The following TMEM127 variants were observed in gnomAD, a reference collection of about 807,000 sequenced individuals.
The protein encoded by TMEM127 is transmembrane protein 127.
TMEM127 carries 21 observed loss-of-function variants against 20.1 expected under a neutral mutation model. The ratio of observed to expected loss-of-function variants is 1.04; its 90% confidence interval spans 0.74 to 1.50. The LOEUF (loss-of-function observed/expected upper bound fraction) is 1.50, where lower values mean the gene tolerates loss of function less well. Among genes scored for constraint, TMEM127 ranks in the 40% most tolerant of loss-of-function variants. The pLI is 0.00. For synonymous variants in TMEM127, 150 were observed against 144.7 expected, an observed-to-expected ratio of 1.04 and a Z score of -0.26; for missense variants, 303 against 317.4, an observed-to-expected ratio of 0.95 and a Z score of 0.34.
Position 96,265,414 on chromosome 2 carries a change from C to T in TMEM127, c.-33G>A. On this transcript the variant is annotated 5_prime_UTR_variant, in exon 2 of 4. Transcript: ENST00000258439. ...GCCGCCCGCCGTCGCTCCGCAGTCG[C>T]TGCTGGTCGCCGCCGACCTCCGCGG... 1 of 1,341,036 alleles carries T rather than the reference C, an allele frequency of 7.5e-7. No individual in the cohort carries two copies. The highest frequency in any genetic ancestry group is 9.5e-7 in the Non-Finnish European group (1 of 1,051,780). 83.1% of individuals were successfully genotyped at this position (1,341,036 alleles called of 1,614,324 possible).
Position 96,250,421 on chromosome 2 carries a change from C to T in TMEM127, c.*3387G>A, listed in dbSNP as rs1012196146. 9 of 232,838 alleles carry T rather than the reference C, an allele frequency of 3.9e-5. No homozygotes were observed. The highest frequency in any genetic ancestry group is 1.3e-4 in the African/African-American group (6 of 45,420). The allele number at this position is 232,838 out of a possible 1,614,324, so 14.4% of individuals were successfully genotyped here. On this transcript the variant is annotated 3_prime_UTR_variant, in exon 4 of 4. Coordinates refer to ENST00000258439, the MANE Select transcript of TMEM127 (RefSeq NM_017849.4). ...GGGCACAGGACTTTTCCGAGCCGGC[C>T]GCCCACTTCACTCTGCCTTTCTGTG...
intron 2 of TMEM127, among the ~76,000 whole-genome samples, chr2:96,256,445 C>T (rs189840109): frequency 1.9e-3 from 293 of 151,482 alleles, no homozygotes; most frequent in Middle Eastern, 6.8e-3. Context: ...GTGGTGCATG[C>T]CTGTGATCCC....
At chr2:96,255,438 A>C (rs1407962824) in intron 2 of TMEM127, among the ~76,000 whole-genome samples, 1 of 152,242 alleles carries the variant, frequency 6.6e-6, no homozygotes, top group Admixed American at 6.5e-5. Flanking sequence ...TCACTCATTC[A>C]TTCCCTTTTT....
chr2:96,259,687 G>A (rs1353491270), intron 2 of TMEM127, among the ~76,000 whole-genome samples: 3 of 152,216 alleles, frequency 2.0e-5, no homozygotes, highest in Non-Finnish European at 4.4e-5. Flanking sequence ...ACCTGGCGCC[G>A]AATCCTAGCT....
At chr2:96,261,274 G>A (rs1309774557) in intron 2 of TMEM127, among the ~76,000 whole-genome samples, 2 of 151,686 alleles carry the variant, frequency 1.3e-5, no homozygotes, top group African/African-American at 4.8e-5. Context: ...CCAGGATGAG[G>A]TCTTTTTTTT....
rs371530522 is a variant in TMEM127 at position 96,253,047 on chromosome 2, A to AT, written c.*760dup. The stretch of plus-strand genomic sequence containing the variant: ...AATATTGTTGCTGTTGCCTGGTTTC[A>AT]TTTTTTTCCTTTTAAAACCACTCAT... On this transcript the variant is annotated 3_prime_UTR_variant, in exon 4 of 4. Coordinates refer to ENST00000258439, the MANE Select transcript of TMEM127 (RefSeq NM_017849.4). The surrounding 1 kb of genome is among the most constrained non-coding windows in gnomAD (Gnocchi z 4.3). The AT allele has an allele frequency of 7.2e-4, 167 of 233,032 alleles. 1 individual carries two copies. The highest frequency in any genetic ancestry group is 1.8e-3 in the Admixed American group (32 of 17,770). 14.4% of individuals were successfully genotyped at this position (233,032 alleles called of 1,614,324 possible). A position where few individuals can be genotyped will look rare whatever the true frequency, so the allele number is the denominator to read the frequency against.
intron 2 of TMEM127, among the ~76,000 whole-genome samples, chr2:96,261,359 T>C (rs1684309462): frequency 6.6e-6 from 1 of 152,072 alleles, no homozygotes. Context: ...CACTGCAGCC[T>C]TGAACTCCTG....
Position 96,248,607 on chromosome 2 carries a change from G to C in TMEM127, c.*5201C>G, listed in dbSNP as rs935906376. ...CTCTCCACCAATAGTGGTGGCACTAGACATATACTGAGAGACCCCCAAGAG... is the reference window on the plus strand; with the variant it reads ...CTCTCCACCAATAGTGGTGGCACTACACATATACTGAGAGACCCCCAAGAG... On this transcript the variant is annotated 3_prime_UTR_variant, in exon 4 of 4. Coordinates refer to ENST00000258439, the MANE Select transcript of TMEM127 (RefSeq NM_017849.4). 1 of 221,828 alleles carries C rather than the reference G, an allele frequency of 4.5e-6. No homozygotes were observed. The highest frequency in any genetic ancestry group is 6.6e-5 in the East Asian group (1 of 15,258). 13.7% of individuals were successfully genotyped at this position (221,828 alleles called of 1,614,324 possible).
intron 2 of TMEM127, 94 bp from the exon 3 acceptor site, chr2:96,255,091 C>T: frequency 3.2e-6 from 5 of 1,544,334 alleles, no homozygotes; most frequent in Admixed American, 3.7e-5. Context: ...CCACCACAGT[C>T]CTGGGAGCCA....
rs758676810 is a variant in TMEM127, at chr2:96,254,006, G to T, written c.519C>A (p.Phe173Leu). The T allele has an allele frequency of 1.9e-6, 3 of 1,614,162 alleles. No homozygotes were observed. In the South Asian group the frequency reaches 3.3e-5, roughly 18 times the overall value. ...KYHGSQVYVTFAVSFYLVAGA... is the reference protein window; with the variant it reads ...KYHGSQVYVTLAVSFYLVAGA... Reference sequence around the variant, plus strand: ...CTGCCACCAGGTAGAAGCTAACGGCGAAGGTGACATAGACCTGGGATCCAT... The same window carrying T: ...CTGCCACCAGGTAGAAGCTAACGGCTAAGGTGACATAGACCTGGGATCCAT... Residue 173 changes from phenylalanine (F) to leucine (L), a missense_variant, in exon 4 of 4, where the codon TTC becomes TTA. Transcript: ENST00000258439.
In TMEM127 at chr2:96,248,872, G is replaced by A. The variant is rs977601548; in HGVS notation, c.*4936C>T. 2.2e-5 allele frequency: 5 copies of A among 232,308 alleles called. No homozygotes were observed. Among genetic ancestry groups the A allele is most frequent in the African/African-American group, 8.8e-5 (4 of 45,264 alleles). 14.4% of individuals were successfully genotyped at this position (232,308 alleles called of 1,614,324 possible). On this transcript the variant is annotated 3_prime_UTR_variant, in exon 4 of 4. Transcript: ENST00000258439. ...TCGTTACCTGACTCTTTAGACACAG[G>A]GTTGGCTGGAGGGGCCTCTCCCTCA...
In TMEM127 at chr2:96,265,724, G is replaced by A. The variant is rs942866304; in HGVS notation, c.-132+145C>T. 13 of 253,756 alleles carry A rather than the reference G, an allele frequency of 5.1e-5. No individual in the cohort carries two copies. The Admixed American group carries it at 7.3e-4, about 14-fold the overall frequency. The allele number at this position is 253,756 out of a possible 1,614,324, so 15.7% of individuals were successfully genotyped here. Reference sequence around the variant, plus strand: ...CGGCTACTGCTAGAGCAAAGACCCGGAGTCAGGGTCTCAGCCAGAGGATGC... The same window carrying A: ...CGGCTACTGCTAGAGCAAAGACCCGAAGTCAGGGTCTCAGCCAGAGGATGC... On this transcript the variant is annotated intron_variant, in intron 1 of 3. Transcript: ENST00000258439.
At chr2:96,254,628 G>C (rs1057430852) in intron 3 of TMEM127, among the ~76,000 whole-genome samples, 1 of 152,212 alleles carries the variant, frequency 6.6e-6, no homozygotes, top group African/African-American at 2.4e-5. Flanking sequence ...CAGCTGGGCT[G>C]AGTGGGTTTG....
intron 2 of TMEM127, among the ~76,000 whole-genome samples, chr2:96,259,015 A>G (rs1167749614): frequency 6.6e-6 from 1 of 152,228 alleles, no homozygotes; most frequent in Admixed American, 6.5e-5. Context: ...ATCCTTAAAA[A>G]TGTACATCCA....
chr2:96,254,716 C>G, intron 3 of TMEM127, 117 bp downstream of exon 3: 4 of 1,319,034 alleles, frequency 3.0e-6, no homozygotes, highest in Non-Finnish European at 4.4e-6. Flanking sequence ...GAGCTTGGCA[C>G]ATGAGCTCCT....
intron 2 of TMEM127, among the ~76,000 whole-genome samples, chr2:96,263,596 T>C (rs1327457688): frequency 6.6e-6 from 1 of 152,154 alleles, no homozygotes; most frequent in Non-Finnish European, 1.5e-5. Flanking sequence ...AATTATGAGA[T>C]TGCTCCTTAT....
rs1684116201 is a variant in TMEM127 at position 96,252,605 on chromosome 2, G to A, written c.*1203C>T. On this transcript the variant is annotated 3_prime_UTR_variant, in exon 4 of 4. Coordinates refer to ENST00000258439, the MANE Select transcript of TMEM127 (RefSeq NM_017849.4). This position sits in a 1 kb window ranked among gnomAD's most constrained non-coding sequence, Gnocchi z 4.2. ...GAGTCAGAGTCTAGGGCAGCACTGG[G>A]TCTGAAGGACACAGCCCGGCCTGCT... The A allele has an allele frequency of 4.3e-6, 1 of 233,872 alleles. No individual in the cohort carries two copies. The highest frequency in any genetic ancestry group is 2.2e-5 in the African/African-American group (1 of 45,364). 14.5% of individuals were successfully genotyped at this position (233,872 alleles called of 1,614,324 possible).
chr2:96,251,157 G>C lies in TMEM127; in HGVS notation c.*2651C>G, dbSNP rs533419012. 4.6e-6 allele frequency: 1 copy of C among 215,950 alleles called. No individual in the cohort carries two copies. The highest frequency in any genetic ancestry group is 2.2e-5 in the African/African-American group (1 of 44,474). The allele number at this position is 215,950 out of a possible 1,614,324, so 13.4% of individuals were successfully genotyped here. On this transcript the variant is annotated 3_prime_UTR_variant, in exon 4 of 4. Transcript: ENST00000258439. ...AACTTCCTGTGTGAAAACAGGATTA[G>C]GAAGCTCTGGGGGTGAAAATGCCAT...
In TMEM127 at chr2:96,251,508, CG is replaced by C; in HGVS notation, c.*2299del. On this transcript the variant is annotated 3_prime_UTR_variant, in exon 4 of 4. Coordinates refer to ENST00000258439, the MANE Select transcript of TMEM127 (RefSeq NM_017849.4). ...TTACACTCCAGCCCGGGTGACAGAGCGAGACTCTTGTCTCAAAAACAAGAAA... is the reference window on the plus strand; with the variant it reads ...TTACACTCCAGCCCGGGTGACAGAGCAGACTCTTGTCTCAAAAACAAGAAA... 1 of 224,448 alleles carries C rather than the reference CG, an allele frequency of 4.5e-6. No individual in the cohort carries two copies. Among genetic ancestry groups the C allele is most frequent in the Non-Finnish European group, 8.9e-6 (1 of 112,512 alleles). 13.9% of individuals were successfully genotyped at this position (224,448 alleles called of 1,614,324 possible). A position where few individuals can be genotyped will look rare whatever the true frequency, so the allele number is the denominator to read the frequency against.
Sources: gnomAD v4.1 joint callset for allele counts (sites outside exome capture counted in the v4.1 genomes callset) on GRCh38, gnomAD v4.1.1 for gene constraint, Gnocchi (gnomAD v3.1) non-coding constraint, MANE v1.5 for transcripts, NCBI Gene and HGNC (gene_info 2026-07-23, HGNC 2026-07-21) for gene names.